The following PGBD5 variants were observed in gnomAD, a reference collection of about 807,000 sequenced individuals.
The protein encoded by PGBD5 is piggyBac transposable element-derived protein 5.
Under a neutral mutation model 47.9 loss-of-function variants are expected in PGBD5, and 14 were observed. The ratio of observed to expected loss-of-function variants is 0.29; its 90% CI spans 0.19 to 0.46. The LOEUF is 0.46. Among genes scored for constraint, PGBD5 ranks in the 20% least tolerant of loss-of-function variants. The pLI is 1.00. For synonymous variants in PGBD5, 316 were observed against 306.3 expected (o/e 1.03, Z -0.33); for missense variants, 635 against 716.0 (o/e 0.89, Z 1.29).
intron 2 of PGBD5, among the ~76,000 whole-genome samples, chr1:230,354,091 A>C (rs566127928): frequency 7.9e-5 from 12 of 152,274 alleles, no homozygotes; most frequent in African/African-American, 2.6e-4. Flanking sequence ...CAGGGAATGG[A>C]GGGGCACAGG....
At chr1:230,344,710 G>A (rs184680061) in intron 3 of PGBD5, among the ~76,000 whole-genome samples, 159 of 152,320 alleles carry the variant, frequency 1.0e-3, no homozygotes, top group Non-Finnish European at 2.8e-4. Flanking sequence ...GGGGTAGGAA[G>A]CACGGGTTCT....
intron 3 of PGBD5, among the ~76,000 whole-genome samples, chr1:230,338,265 G>A (rs1667356561): frequency 6.6e-6 from 1 of 152,246 alleles, no homozygotes; most frequent in Admixed American, 6.5e-5. Flanking sequence ...TGAGCTCATA[G>A]TTCTGTAGGC....
rs369487402 is a variant in PGBD5, at chr1:230,412,194, C to T, written c.331+13404G>A. Among the ~76,000 whole-genome samples the T allele has an allele frequency of 5.9e-5, 9 of 152,254 alleles. No homozygotes were observed. The East Asian group carries it at 9.7e-4, about 16-fold the overall frequency. ...ATAATATTATATTAATGCTTATCAACGAAATTACAGTTGGCCCTTGAACAA... is the reference window on the plus strand; with the variant it reads ...ATAATATTATATTAATGCTTATCAATGAAATTACAGTTGGCCCTTGAACAA... On this transcript the variant is annotated intron_variant, in intron 1 of 6. Coordinates refer to ENST00000391860, the MANE Select transcript of PGBD5 (RefSeq NM_001258311.2).
intron 1 of PGBD5, among the ~76,000 whole-genome samples, chr1:230,385,244 T>C (rs1341193914): frequency 6.6e-6 from 1 of 152,206 alleles, no homozygotes. Flanking sequence ...GCCTTGACTT[T>C]GAATTGAGAG....
rs936330405 is a variant in PGBD5 at position 230,399,828 on chromosome 1, C to T, written c.331+25770G>A. On this transcript the variant is annotated intron_variant, in intron 1 of 6. Coordinates refer to ENST00000391860, the MANE Select transcript of PGBD5 (RefSeq NM_001258311.2). ...ACTCAGTTCCCACGGTGGAAACACG[C>T]GATCCATCAGGGCAGCCAGCTGGTC... is the stretch of plus-strand genomic sequence containing the variant. Among the ~76,000 whole-genome samples, 4 of 152,314 alleles carry T rather than the reference C, an allele frequency of 2.6e-5. No homozygotes were observed. The East Asian group carries it at 5.8e-4, about 22-fold the overall frequency.
chr1:230,335,832 CACAT>C (rs1400518915), intron 4 of PGBD5, among the ~76,000 whole-genome samples: 15 of 141,854 alleles, frequency 1.1e-4, no homozygotes, highest in African/African-American at 3.1e-4. Flanking sequence ...CACAGACATA[CACAT>C]ACACACACAG....
Position 230,391,762 on chromosome 1 carries a change from T to C in PGBD5, c.331+33836A>G, listed in dbSNP as rs75665763. Among the ~76,000 whole-genome samples, 403 of 152,336 alleles carry C rather than the reference T, an allele frequency of 2.6e-3. 2 individuals are homozygous for C. The highest frequency in any genetic ancestry group is 9.5e-3 in the African/African-American group (395 of 41,568). On this transcript the variant is annotated intron_variant, in intron 1 of 6. Transcript: ENST00000391860. The stretch of plus-strand genomic sequence containing the variant: ...AGAAAAATAAACCTCTTCCTCACCA[T>C]TTCTAGTAGCCAATAAATAGCAGAG...
At chr1:230,417,236 A>G (rs185532613) in intron 1 of PGBD5, among the ~76,000 whole-genome samples, 74 of 152,066 alleles carry the variant, frequency 4.9e-4, no homozygotes, top group Admixed American at 2.6e-4. Context: ...TCTCACCAAT[A>G]AAGGTCTTAT....
chr1:230,318,798 T>C lies in PGBD5; in HGVS notation c.*4627A>G, dbSNP rs1666986482. ...CTGGGTGAGGAAATCGCTATGGTTC[T>C]TTCTGGCTCAGGGTCTGGTGTGGCC... On this transcript the variant is annotated 3_prime_UTR_variant, in exon 7 of 7. Coordinates refer to ENST00000391860, the MANE Select transcript of PGBD5 (RefSeq NM_001258311.2). 1 of 152,444 alleles carries C rather than the reference T, an allele frequency of 6.6e-6. No homozygotes were observed. The highest frequency in any genetic ancestry group is 2.4e-5 in the African/African-American group (1 of 41,442). The allele number at this position is 152,444 out of a possible 1,614,324, so 9.4% of individuals were successfully genotyped here. A position where few individuals can be genotyped will look rare whatever the true frequency, so the allele number is the denominator to read the frequency against.
intron 2 of PGBD5, among the ~76,000 whole-genome samples, chr1:230,354,967 A>C (rs1199841079): frequency 1.3e-5 from 2 of 152,234 alleles, no homozygotes; most frequent in Non-Finnish European, 2.9e-5. Flanking sequence ...TGAAGGCAAA[A>C]GTAAAGGGGA....
chr1:230,395,371 T>C (rs1473588503), intron 1 of PGBD5, among the ~76,000 whole-genome samples: 1 of 16,852 alleles, frequency 5.9e-5, no homozygotes, highest in Non-Finnish European at 1.0e-4. Context: ...CCTCCCCTCC[T>C]CTCCTCATGC....
In PGBD5 at chr1:230,413,705, C is replaced by T. The variant is rs569630075; in HGVS notation, c.331+11893G>A. ...TTCTGTGGCTCTAAAGATGCCTTCA[C>T]GCTGTCTCCTGCTGGGTGTTCCCTT... On this transcript the variant is annotated intron_variant, in intron 1 of 6. Coordinates refer to ENST00000391860, the MANE Select transcript of PGBD5 (RefSeq NM_001258311.2). 1.2e-4 allele frequency among the ~76,000 whole-genome samples: 18 copies of T among 152,276 alleles called. No individual in the cohort carries two copies. In the East Asian group the frequency reaches 2.7e-3, roughly 23 times the overall value.
intron 1 of PGBD5, among the ~76,000 whole-genome samples, chr1:230,375,594 T>C (rs1421290686): frequency 5.3e-5 from 8 of 151,238 alleles, no homozygotes; most frequent in Non-Finnish European, 8.8e-5. Flanking sequence ...AATAAATAGA[T>C]GGTCAGGTTA....
chr1:230,327,122 C>A (rs1315181375), intron 5 of PGBD5, among the ~76,000 whole-genome samples: 1 of 152,106 alleles, frequency 6.6e-6, no homozygotes, highest in Non-Finnish European at 1.5e-5. Context: ...ACAGCCGCGG[C>A]CATTCGAGAG....
Position 230,362,444 on chromosome 1 carries a change from CT to C in PGBD5, c.332-5124del, listed in dbSNP as rs539990540. 969 of 1,260,634 alleles carry C rather than the reference CT, an allele frequency of 7.7e-4. 7 individuals carry two copies. The African/African-American group carries it at 0.014, about 18-fold the overall frequency. 78.1% of individuals were successfully genotyped at this position (1,260,634 alleles called of 1,614,324 possible). A position where few individuals can be genotyped will look rare whatever the true frequency, so the allele number is the denominator to read the frequency against. On this transcript the variant is annotated intron_variant, in intron 1 of 6. Coordinates refer to ENST00000391860, the MANE Select transcript of PGBD5 (RefSeq NM_001258311.2). Reference sequence around the variant, plus strand: ...TGTCAGACCTGGACCGTGGCAAGCTCTTTCCCGCCTCAAGGCCTGATCCTCC... The same window carrying C: ...TGTCAGACCTGGACCGTGGCAAGCTCTTCCCGCCTCAAGGCCTGATCCTCC...
Position 230,325,428 on chromosome 1 carries a change from G to C in PGBD5, c.1274-13C>G. On this transcript the variant is annotated splice_polypyrimidine_tract_variant and intron_variant, in intron 5 of 6. Coordinates refer to ENST00000391860, the MANE Select transcript of PGBD5 (RefSeq NM_001258311.2). ...TTGATGATGACTCCTGAAGGCGAGA[G>C]ACAAGATAAGCCCCTTCCTCAGCAC... 1 of 1,594,510 alleles carries C rather than the reference G, an allele frequency of 6.3e-7. No homozygotes were observed. The highest frequency in any genetic ancestry group is 8.6e-7 in the Non-Finnish European group (1 of 1,163,670).
At chr1:230,340,559 T>C (rs1160986659) in intron 3 of PGBD5, among the ~76,000 whole-genome samples, 1 of 152,114 alleles carries the variant, frequency 6.6e-6, no homozygotes, top group Non-Finnish European at 1.5e-5. Flanking sequence ...CTTTTAATGT[T>C]TTTGATGCTA....
chr1:230,357,731 A>C lies in PGBD5; in HGVS notation c.332-410T>G, dbSNP rs1455710952. 2.0e-5 allele frequency among the ~76,000 whole-genome samples: 3 copies of C among 152,184 alleles called. No homozygotes were observed. The highest frequency in any genetic ancestry group is 4.8e-5 in the African/African-American group (2 of 41,440). ...ACAGGGTGTCGGTCTAGGGAGTTTCACACACTCGGGGCACAAGCCGAGTCT... is the reference window on the plus strand; with the variant it reads ...ACAGGGTGTCGGTCTAGGGAGTTTCCCACACTCGGGGCACAAGCCGAGTCT... On this transcript the variant is annotated intron_variant, in intron 1 of 6. Transcript: ENST00000391860. This position sits in a 1 kb window ranked among gnomAD's most constrained non-coding sequence, Gnocchi z 5.7.
At chr1:230,406,467 C>A (rs1246270442) in intron 1 of PGBD5, among the ~76,000 whole-genome samples, 2 of 151,804 alleles carry the variant, frequency 1.3e-5, no homozygotes, top group African/African-American at 4.8e-5. Context: ...AGTATATAAA[C>A]TGAGAAACAG....
Sources: allele counts gnomAD v4.1 joint callset (sites outside exome capture counted in the v4.1 genomes callset), GRCh38; gene constraint gnomAD v4.1.1; non-coding constraint Gnocchi (gnomAD v3.1); transcripts MANE v1.5; gene names NCBI Gene and HGNC (gene_info 2026-07-23, HGNC 2026-07-21).